Variants in ATP9B observed in about 807,000 individuals in gnomAD.
The protein encoded by ATP9B is probable phospholipid-transporting ATPase IIB.
A neutral mutation model predicts 146.1 loss-of-function variants in ATP9B; 110 were observed. That is an observed-to-expected ratio of 0.75 (90% CI 0.65 to 0.88). The LOEUF (loss-of-function observed/expected upper bound fraction) is 0.88, where lower values mean the gene tolerates loss of function less well. Ranked by LOEUF, ATP9B falls within the 40% of genes least tolerant of loss-of-function variation. ATP9B has a pLI of 0.00. For missense variants in ATP9B, 1,499 were observed against 1,496.4 expected, an observed-to-expected ratio of 1.00 and a Z score of -0.03; for synonymous variants, 604 against 569.7, an observed-to-expected ratio of 1.06 and a Z score of -0.86.
rs190689564 is a variant in ATP9B at position 79,124,808 on chromosome 18, A to G, written c.559-1459A>G. The stretch of plus-strand genomic sequence containing the variant: ...CACCGAGTACAGTCAGGCTGGAGAG[A>G]TGTGTGGAAGGAAGCACAGTTAGCA... On this transcript the variant is annotated intron_variant, in intron 4 of 29. Coordinates refer to ENST00000426216, the MANE Select transcript of ATP9B (RefSeq NM_198531.5). Among the ~76,000 whole-genome samples the G allele has an allele frequency of 1.0e-3, 158 of 152,266 alleles. 2 individuals are homozygous for G. Among genetic ancestry groups the G allele is most frequent in the African/African-American group, 3.6e-3 (151 of 41,570 alleles).
intron 9 of ATP9B, among the ~76,000 whole-genome samples, chr18:79,199,591 C>T (rs2095447314): frequency 1.3e-5 from 2 of 151,384 alleles, no homozygotes; most frequent in African/African-American, 4.9e-5. Flanking sequence ...GGTGAAACCC[C>T]ATCTCTACTA....
At chr18:79,306,189 C>CA (rs1332939579) in intron 14 of ATP9B, among the ~76,000 whole-genome samples, 1 of 152,178 alleles carries the variant, frequency 6.6e-6, no homozygotes, top group Non-Finnish European at 1.5e-5. Flanking sequence ...CCTTGGTTTC[C>CA]AAGGAGGATT....
intron 12 of ATP9B, among the ~76,000 whole-genome samples, chr18:79,272,537 GCT>G (rs1238158879): frequency 1.3e-5 from 2 of 151,606 alleles, no homozygotes; most frequent in Non-Finnish European, 2.9e-5. Flanking sequence ...CTGTCCCTGA[GCT>G]CTCTCCACTG....
At chr18:79,103,833 T>C (rs376145061) in intron 2 of ATP9B, among the ~76,000 whole-genome samples, 1 of 151,086 alleles carries the variant, frequency 6.6e-6, no homozygotes, top group Non-Finnish European at 1.5e-5. Flanking sequence ...GTGTGGGGAG[T>C]TGTGGTGAGG....
chr18:79,193,049 C>T, intron 8 of ATP9B, 134 bp from the exon 9 acceptor site: 2 of 705,624 alleles, frequency 2.8e-6, no homozygotes, highest in Admixed American at 3.2e-5. Flanking sequence ...AGTGTTGGCA[C>T]ACAAAAATCT....
chr18:79,360,809 GGAAGCA>G (rs2096983554), intron 26 of ATP9B: 10 of 152,260 alleles, frequency 6.6e-5, no homozygotes, highest in Admixed American at 5.9e-4. Context: ...GTGACTACTG[GGAAGCA>G]TCGTCCCAGG....
intron 11 of ATP9B, among the ~76,000 whole-genome samples, chr18:79,229,978 TA>T (rs144310383): frequency 0.067 from 9,950 of 147,646 alleles, 426 homozygotes; most frequent in African/African-American, 0.12. Flanking sequence ...TTTAGTGCAT[TA>T]AAAAAAAAAG....
At position 79,303,614 on chromosome 18, in the gene ATP9B, C is replaced by T; in HGVS notation, c.1422C>T (p.Thr474=). ...TCCCCTTTATCCTAGGAACCCTCAC[C>T]CAGAATGAAATGATATTTAAGCGGC... ...YLLTDKTGTL[T]QNEMIFKRLH... The change falls in exon 14 of 30, where the codon ACC becomes ACT. Residue 474 remains threonine, a synonymous_variant. Coordinates refer to ENST00000426216, the MANE Select transcript of ATP9B (RefSeq NM_198531.5). 1 of 1,613,824 alleles carries T rather than the reference C, an allele frequency of 6.2e-7. No individual in the cohort carries two copies. The highest frequency in any genetic ancestry group is 8.5e-7 in the Non-Finnish European group (1 of 1,179,868).
rs141441107 is a variant in ATP9B at position 79,132,887 on chromosome 18, C to T, written c.667+6512C>T. On this transcript the variant is annotated intron_variant, in intron 5 of 29. Coordinates refer to ENST00000426216, the MANE Select transcript of ATP9B (RefSeq NM_198531.5). ...TGAAAAGGAAAGCCACTTATAAATACGCTTTGTTTGGAAGCAGAAAATATT... is the reference window on the plus strand; with the variant it reads ...TGAAAAGGAAAGCCACTTATAAATATGCTTTGTTTGGAAGCAGAAAATATT... Among the ~76,000 whole-genome samples, 11 of 152,298 alleles carry T rather than the reference C, an allele frequency of 7.2e-5. No individual in the cohort carries two copies. The East Asian group carries it at 1.2e-3, about 16-fold the overall frequency.
intron 1 of ATP9B, chr18:79,085,179 A>G (rs754015439): frequency 6.6e-6 from 1 of 152,216 alleles, no homozygotes; most frequent in Non-Finnish European, 1.5e-5. Flanking sequence ...GAGGTCCCAG[A>G]CTTTTATAAA....
At chr18:79,291,752 G>A (rs990509817) in intron 13 of ATP9B, among the ~76,000 whole-genome samples, 1 of 152,202 alleles carries the variant, frequency 6.6e-6, no homozygotes, top group South Asian at 2.1e-4. Flanking sequence ...GATTAGCAAC[G>A]GAAACATTTT....
At chr18:79,136,084 A>G (rs2094443896) in intron 5 of ATP9B, among the ~76,000 whole-genome samples, 1 of 152,188 alleles carries the variant, frequency 6.6e-6, no homozygotes, top group Admixed American at 6.5e-5. Flanking sequence ...TGTTAAGGAA[A>G]TACAAAGGGC....
chr18:79,163,568 A>G (rs2094915440), intron 7 of ATP9B, among the ~76,000 whole-genome samples: 1 of 152,108 alleles, frequency 6.6e-6, no homozygotes, highest in African/African-American at 2.4e-5. Context: ...ACCCATATAT[A>G]AAGGGGGAAA....
chr18:79,099,750 C>G (rs1210459361), intron 2 of ATP9B, among the ~76,000 whole-genome samples: 5 of 152,056 alleles, frequency 3.3e-5, no homozygotes, highest in African/African-American at 1.2e-4. Flanking sequence ...GCATGAGTCA[C>G]CATGCCCAAC....
At chr18:79,258,507 A>G (rs1464092914) in intron 12 of ATP9B, among the ~76,000 whole-genome samples, 1 of 152,216 alleles carries the variant, frequency 6.6e-6, no homozygotes, top group African/African-American at 2.4e-5. Context: ...AATTCTGTCA[A>G]ACCTTTCCAA....
At chr18:79,086,460 AAATC>A (rs1439179675) in intron 1 of ATP9B, 3 of 150,728 alleles carry the variant, frequency 2.0e-5, no homozygotes, top group African/African-American at 7.3e-5. Flanking sequence ...AAAAAAGATA[AAATC>A]TCAAGTTTAA....
chr18:79,324,113 C>T (rs756596859), intron 15 of ATP9B, among the ~76,000 whole-genome samples: 5 of 152,056 alleles, frequency 3.3e-5, no homozygotes, highest in Non-Finnish European at 7.4e-5. Context: ...AATGTCTGTT[C>T]AGATCTTTTG....
At chr18:79,277,772 A>AC (rs2096329789) in intron 13 of ATP9B, among the ~76,000 whole-genome samples, 1 of 152,228 alleles carries the variant, frequency 6.6e-6, no homozygotes, top group African/African-American at 2.4e-5. Context: ...ATCTGGTACT[A>AC]TAAGGAAAGC....
At chr18:79,227,548 G>C (rs939648793) in intron 11 of ATP9B, among the ~76,000 whole-genome samples, 1 of 152,110 alleles carries the variant, frequency 6.6e-6, no homozygotes, top group Admixed American at 6.5e-5. Flanking sequence ...ATGAGTCCAG[G>C]GGTTTCTTCT....
Sources: gnomAD v4.1 joint callset for allele counts (sites outside exome capture counted in the v4.1 genomes callset) on GRCh38, gnomAD v4.1.1 for gene constraint, MANE v1.5 for transcripts, NCBI Gene and HGNC (gene_info 2026-07-23, HGNC 2026-07-21) for gene names.